Variants in EPS15L1 observed in about 807,000 individuals in gnomAD.
EPS15L1 encodes epidermal growth factor receptor substrate 15-like 1.
A neutral mutation model predicts 117.1 loss-of-function variants in EPS15L1; 43 were observed. That is an observed-to-expected ratio of 0.37 (90% confidence interval 0.29 to 0.47). The LOEUF is 0.47. Among genes scored for constraint, EPS15L1 ranks in the 20% least tolerant of loss-of-function variants. The probability of loss-of-function intolerance (pLI) is 0.99; values close to 1 mark genes in which losing one functional copy is unlikely to be tolerated. For synonymous variants in EPS15L1, 459 were observed against 470.5 expected, an observed-to-expected ratio of 0.98 and a Z score of 0.32; for missense variants, 981 against 1,164.0, an observed-to-expected ratio of 0.84 and a Z score of 2.29.
intron 22 of EPS15L1, among the ~76,000 whole-genome samples, chr19:16,373,665 C>G (rs555120950): frequency 3.7e-4 from 56 of 152,216 alleles, no homozygotes; most frequent in Admixed American, 7.2e-4. Context: ...GGGTCTGTGC[C>G]GTGTGGCCAG....
intron 13 of EPS15L1, among the ~76,000 whole-genome samples, chr19:16,411,934 A>T (rs1025010873): frequency 4.6e-5 from 7 of 152,196 alleles, no homozygotes; most frequent in African/African-American, 1.4e-4. Context: ...CCTGGGCTCA[A>T]GCGATCCTCC....
At chr19:16,429,867 C>T (rs1056944065) in intron 7 of EPS15L1, among the ~76,000 whole-genome samples, 11 of 152,264 alleles carry the variant, frequency 7.2e-5, no homozygotes, top group African/African-American at 2.7e-4. Context: ...CCCACCTCAG[C>T]ACTACTGCCT....
chr19:16,373,059 G>A (rs2092246992), intron 22 of EPS15L1, among the ~76,000 whole-genome samples: 1 of 152,224 alleles, frequency 6.6e-6, no homozygotes. Context: ...CATGTTCCAT[G>A]TGCCAGGCGG....
Position 16,404,698 on chromosome 19 carries a change from C to T in EPS15L1, c.1318G>A (p.Ala440Thr). ...RETSSLQELE[A>T]QKQDAQDRLD... The stretch of plus-strand genomic sequence containing the variant: ...CGGTCTTGAGCATCCTGTTTCTGAG[C>T]CTCGAGCTCCTGCAAACTGCTTGTT... Residue 440 changes from alanine to threonine, a missense_variant, in exon 14 of 24, where the codon GCT (alanine) becomes ACT (threonine). Coordinates refer to ENST00000455140, the MANE Select transcript of EPS15L1 (RefSeq NM_001258374.3). The surrounding 1 kb of genome is among the most constrained non-coding windows in gnomAD (Gnocchi z 4.2). The T allele has an allele frequency of 1.2e-6, 2 of 1,614,210 alleles. No individual in the cohort carries two copies. The highest frequency in any genetic ancestry group is 1.7e-6 in the Non-Finnish European group (2 of 1,180,038).
chr19:16,414,260 G>A (rs192544341), intron 12 of EPS15L1, among the ~76,000 whole-genome samples: 425 of 152,192 alleles, frequency 2.8e-3, no homozygotes, highest in South Asian at 5.2e-3. Context: ...ACCCCCAGCC[G>A]CAGGGAAATG....
chr19:16,463,107 G>A (rs1011381779), intron 1 of EPS15L1, among the ~76,000 whole-genome samples: 4 of 152,134 alleles, frequency 2.6e-5, no homozygotes, highest in African/African-American at 9.7e-5. Flanking sequence ...AGAATCTCAT[G>A]GTGCCCCAGC....
chr19:16,395,990 C>A (rs2092536711), intron 16 of EPS15L1, among the ~76,000 whole-genome samples: 1 of 150,476 alleles, frequency 6.6e-6, no homozygotes, highest in Non-Finnish European at 1.5e-5. Context: ...TACCTATAAT[C>A]CCAGCTACTT....
At position 16,404,786 on chromosome 19, in the gene EPS15L1, A is replaced by G. The variant is rs749503296; in HGVS notation, c.1267-37T>C. 1 of 1,608,060 alleles carries G rather than the reference A, an allele frequency of 6.2e-7. No individual in the cohort carries two copies. The highest frequency in any genetic ancestry group is 8.5e-7 in the Non-Finnish European group (1 of 1,175,226). On this transcript the variant is annotated intron_variant, in intron 13 of 23. Transcript: ENST00000455140. This position sits in a 1 kb window ranked among gnomAD's most constrained non-coding sequence, Gnocchi z 4.2. ...TTGCAGGGGTTTACGTGAGGATGGG[A>G]AAAATGAAGCATGTCCAAGATAACG...
At chr19:16,449,580 AAAC>A (rs1001450190) in intron 1 of EPS15L1, among the ~76,000 whole-genome samples, 32 of 151,712 alleles carry the variant, frequency 2.1e-4, no homozygotes, top group African/African-American at 7.5e-4. Context: ...CAGTTTCTTA[AAAC>A]AACAACAACA....
In EPS15L1 at chr19:16,381,807, A is replaced by G. The variant is rs1455244691; in HGVS notation, c.2247+3322T>C. On this transcript the variant is annotated intron_variant, in intron 21 of 23. Coordinates refer to ENST00000455140, the MANE Select transcript of EPS15L1 (RefSeq NM_001258374.3). The surrounding 1 kb of genome is among the most constrained non-coding windows in gnomAD (Gnocchi z 4.2). The stretch of plus-strand genomic sequence containing the variant: ...TGGGTGCTTCTGCGATTCATGGAAC[A>G]TGTCCCTGGGCCTAGGGCCCGTGCG... Among the ~76,000 whole-genome samples the G allele has an allele frequency of 6.6e-6, 1 of 152,184 alleles. No homozygotes were observed. The highest frequency in any genetic ancestry group is 2.4e-5 in the African/African-American group (1 of 41,440).
chr19:16,359,748 G>C (rs12460440), intron 23 of EPS15L1, among the ~76,000 whole-genome samples: 3,723 of 152,210 alleles, frequency 0.024, 122 homozygotes, highest in Admixed American at 0.085. Context: ...TGAGGTCCCA[G>C]CTACGTGGGA....
intron 22 of EPS15L1, among the ~76,000 whole-genome samples, chr19:16,368,279 C>T (rs1306870352): frequency 2.6e-5 from 4 of 152,098 alleles, no homozygotes; most frequent in Non-Finnish European, 5.9e-5. Context: ...CATCACTGAT[C>T]CTACACAACA....
Position 16,381,626 on chromosome 19 carries a change from C to T in EPS15L1, c.2247+3503G>A, listed in dbSNP as rs751870529. Among the ~76,000 whole-genome samples, 10 of 152,194 alleles carry T rather than the reference C, an allele frequency of 6.6e-5. No homozygotes were observed. The highest frequency in any genetic ancestry group is 1.0e-4 in the Non-Finnish European group (7 of 68,032). ...AATGATCACACCAAGTACGAAGCTG[C>T]GATTGGAATCTGGGAGTGCCCCCAT... On this transcript the variant is annotated intron_variant, in intron 21 of 23. Transcript: ENST00000455140. The surrounding 1 kb of genome is among the most constrained non-coding windows in gnomAD (Gnocchi z 4.2).
At chr19:16,402,217 G>A (rs2092608519) in intron 16 of EPS15L1, 104 bp downstream of exon 16, 3 of 1,479,070 alleles carry the variant, frequency 2.0e-6, no homozygotes, top group African/African-American at 2.8e-5. Context: ...CCTGCACTTG[G>A]CTGGAACCAA....
chr19:16,383,427 C>T lies in EPS15L1; in HGVS notation c.2247+1702G>A, dbSNP rs1024357521. On this transcript the variant is annotated intron_variant, in intron 21 of 23. Coordinates refer to ENST00000455140, the MANE Select transcript of EPS15L1 (RefSeq NM_001258374.3). The surrounding 1 kb of genome is among the most constrained non-coding windows in gnomAD (Gnocchi z 5.2). ...TTGCGACAACCAGAAACGACCAGGA[C>T]GCCTGAGGGACTGCTGCCACCGTGT... The T allele has an allele frequency of 1.3e-5, 2 of 152,270 alleles. No homozygotes were observed. Among genetic ancestry groups the T allele is most frequent in the Admixed American group, 1.3e-4 (2 of 15,278 alleles). 9.4% of individuals were successfully genotyped at this position (152,270 alleles called of 1,614,324 possible).
At chr19:16,417,712 G>A (rs921759569) in intron 11 of EPS15L1, 75 bp from the exon 12 acceptor site, 111 of 1,332,610 alleles carry the variant, frequency 8.3e-5, no homozygotes, top group Admixed American at 2.5e-4. Flanking sequence ...AGCAGTTCTC[G>A]GGCCCAGGGA....
At chr19:16,396,904 C>G (rs1226391895) in intron 16 of EPS15L1, among the ~76,000 whole-genome samples, 2 of 151,796 alleles carry the variant, frequency 1.3e-5, no homozygotes, top group African/African-American at 4.8e-5. Context: ...AGAGTCATCA[C>G]ATTCACAGTG....
intron 21 of EPS15L1, among the ~76,000 whole-genome samples, chr19:16,379,583 G>C (rs1243393231): frequency 6.6e-6 from 1 of 152,270 alleles, no homozygotes; most frequent in Non-Finnish European, 1.5e-5. Context: ...CCAGCATCTA[G>C]TCACACCGAT....
chr19:16,463,712 C>T (rs2093274674), intron 1 of EPS15L1, among the ~76,000 whole-genome samples: 1 of 152,136 alleles, frequency 6.6e-6, no homozygotes, highest in Admixed American at 6.6e-5. Flanking sequence ...GAAGACAGAC[C>T]ATCAATCAAC....
Sources: gnomAD v4.1 joint callset for allele counts (sites outside exome capture counted in the v4.1 genomes callset) on GRCh38, gnomAD v4.1.1 for gene constraint, Gnocchi (gnomAD v3.1) non-coding constraint, MANE v1.5 for transcripts, NCBI Gene and HGNC (gene_info 2026-07-23, HGNC 2026-07-21) for gene names.